Variants in KLHL32 observed in about 807,000 individuals in gnomAD.
KLHL32 encodes kelch-like protein 32.
Under a neutral mutation model 64.8 loss-of-function variants are expected in KLHL32, and 35 were observed. The observed-to-expected ratio is 0.54, with a 90% confidence interval of 0.41 to 0.72. KLHL32 has a LOEUF of 0.72. KLHL32 is among the 30% of genes least tolerant of loss of function. The pLI is 0.00. For synonymous variants in KLHL32, 259 were observed against 281.0 expected (o/e 0.92, Z 0.78); for missense variants, 589 against 768.5 (o/e 0.77, Z 2.76).
chr6:96,959,669 G>A (rs554918146), intron 1 of KLHL32, among the ~76,000 whole-genome samples: 1 of 152,084 alleles, frequency 6.6e-6, no homozygotes, highest in Non-Finnish European at 1.5e-5. Flanking sequence ...CATGAATTGT[G>A]GGGGGACACA....
the KLHL32 span, among the ~76,000 whole-genome samples, chr6:96,913,776 T>A: frequency 2.0e-5 from 3 of 152,308 alleles, no homozygotes; most frequent in South Asian, 6.2e-4. Context: ...TGCACCTTAA[T>A]AACTAGGGCT....
chr6:96,908,174 A>G, the KLHL32 span, among the ~76,000 whole-genome samples: 3 of 152,354 alleles, frequency 2.0e-5, no homozygotes, highest in South Asian at 4.1e-4. Flanking sequence ...TGAGACTCAG[A>G]AAATATACTC....
intron 1 of KLHL32, among the ~76,000 whole-genome samples, chr6:96,946,830 A>C (rs1270156155): frequency 6.6e-6 from 1 of 152,048 alleles, no homozygotes; most frequent in African/African-American, 2.4e-5. Flanking sequence ...CTGGTTACTT[A>C]GGGGGAAAAA....
rs1268664503 is a variant in KLHL32 at position 97,056,257 on chromosome 6, C to T, written c.313-8371C>T. Reference sequence around the variant, plus strand: ...AGTAGCTGGGACTACAGGCGCCCGCCACCACGCCCGGCTAATTTTTTGTAT... The same window carrying T: ...AGTAGCTGGGACTACAGGCGCCCGCTACCACGCCCGGCTAATTTTTTGTAT... On this transcript the variant is annotated intron_variant, in intron 4 of 10. Transcript: ENST00000369261. Among the ~76,000 whole-genome samples the T allele has an allele frequency of 2.6e-5, 4 of 151,934 alleles. No individual in the cohort carries two copies. The South Asian group carries it at 6.2e-4, about 24-fold the overall frequency.
the KLHL32 span, among the ~76,000 whole-genome samples, chr6:96,907,634 CT>C: frequency 1.6e-4 from 25 of 152,162 alleles, no homozygotes. Flanking sequence ...TTTCTTACCC[CT>C]AAGAGGCCAC....
At chr6:97,085,467 A>ATG in intron 6 of KLHL32, 126 bp downstream of exon 6, 1 of 775,196 alleles carries the variant, frequency 1.3e-6, no homozygotes, top group Non-Finnish European at 2.1e-6. Flanking sequence ...TTTAGAAGTC[A>ATG]TGCTTCCTTG....
intron 4 of KLHL32, 39 bp downstream of exon 4, chr6:97,041,638 A>G: frequency 8.7e-7 from 1 of 1,143,734 alleles, no homozygotes; most frequent in Non-Finnish European, 1.3e-6. Context: ...TTAACATTTC[A>G]ACTACATCTA....
In KLHL32 at chr6:97,004,946, T is replaced by TA. The variant is rs561784715; in HGVS notation, c.204+28769_204+28770insA. On this transcript the variant is annotated intron_variant, in intron 3 of 10. Coordinates refer to ENST00000369261, the MANE Select transcript of KLHL32 (RefSeq NM_052904.4). ...TGGCCTGAAGTTTTCTTTCTTTTTT[T>TA]TTTGTTATGGGTCTGCTAGGTTTTG... is the stretch of plus-strand genomic sequence containing the variant. Among the ~76,000 whole-genome samples the TA allele has an allele frequency of 1.2e-4, 19 of 152,214 alleles. No homozygotes were observed. The South Asian group carries it at 3.9e-3, about 32-fold the overall frequency.
Position 96,930,566 on chromosome 6 carries a change from T to C in KLHL32, c.-66+5540T>C, listed in dbSNP as rs80255600. Among the ~76,000 whole-genome samples, 3 of 152,098 alleles carry C rather than the reference T, an allele frequency of 2.0e-5. No homozygotes were observed. The East Asian group carries it at 5.8e-4, about 29-fold the overall frequency. ...TAATTCCTTCCCTCTGCCTCCCCTTTCCCCACTCCTTTGCCTTCCTCAAAA... is the reference window on the plus strand; with the variant it reads ...TAATTCCTTCCCTCTGCCTCCCCTTCCCCCACTCCTTTGCCTTCCTCAAAA... On this transcript the variant is annotated intron_variant, in intron 1 of 10. Coordinates refer to ENST00000369261, the MANE Select transcript of KLHL32 (RefSeq NM_052904.4).
chr6:96,963,874 G>A (rs907204841), intron 1 of KLHL32, among the ~76,000 whole-genome samples: 1 of 152,206 alleles, frequency 6.6e-6, no homozygotes, highest in African/African-American at 2.4e-5. Flanking sequence ...CCTGACTAGG[G>A]TTTGGTCTGG....
At chr6:96,901,503 G>T in the KLHL32 span, among the ~76,000 whole-genome samples, 1 of 152,088 alleles carries the variant, frequency 6.6e-6, no homozygotes, top group Non-Finnish European at 1.5e-5. Context: ...GGATAATCCA[G>T]GATAATCTCT....
rs138845344 is a variant in KLHL32, at chr6:96,951,493, C to T, written c.-65-15503C>T. ...GCCATGTGGGGCATGTTGGACAGTG[C>T]GCCACCCCACACCCTGTACCTTAAC... On this transcript the variant is annotated intron_variant, in intron 1 of 10. Transcript: ENST00000369261. Among the ~76,000 whole-genome samples the T allele has an allele frequency of 1.6e-4, 24 of 152,110 alleles. No homozygotes were observed. In the East Asian group the frequency reaches 4.6e-3, roughly 29 times the overall value.
chr6:96,933,281 G>C (rs1770164882), intron 1 of KLHL32, among the ~76,000 whole-genome samples: 1 of 152,122 alleles, frequency 6.6e-6, no homozygotes, highest in Non-Finnish European at 1.5e-5. Flanking sequence ...TGTATTCTTG[G>C]AATTCTGCTT....
Position 97,055,796 on chromosome 6 carries a change from T to TAAAAAAAAAAAA in KLHL32, c.313-8817_313-8806dup, listed in dbSNP as rs750242567. 4.4e-3 allele frequency among the ~76,000 whole-genome samples: 358 copies of TAAAAAAAAAAAA among 80,980 alleles called. 57 individuals are homozygous for TAAAAAAAAAAAA. The highest frequency in any genetic ancestry group is 7.6e-3 in the Middle Eastern group (1 of 132). 53.1% of individuals were successfully genotyped at this position (80,980 alleles called of 152,430 possible). A position where few individuals can be genotyped will look rare whatever the true frequency, so the allele number is the denominator to read the frequency against. Reference sequence around the variant, plus strand: ...CGAGGTAACAGACTGAGAACCTGTCTAAAAAAAAAAAAAAAAAAAAAAAAA... The same window carrying TAAAAAAAAAAAA: ...CGAGGTAACAGACTGAGAACCTGTCTAAAAAAAAAAAAAAAAAAAAAAAAAAAAAAAAAAAAA... On this transcript the variant is annotated intron_variant, in intron 4 of 10. Transcript: ENST00000369261.
intron 1 of KLHL32, among the ~76,000 whole-genome samples, chr6:96,927,412 A>G (rs184118536): frequency 3.9e-4 from 60 of 152,388 alleles, no homozygotes; most frequent in African/African-American, 1.3e-3. Context: ...ACTCAGAGAC[A>G]TTAAATCCCA....
At chr6:96,955,605 T>C (rs970604416) in intron 1 of KLHL32, among the ~76,000 whole-genome samples, 1 of 152,172 alleles carries the variant, frequency 6.6e-6, no homozygotes, top group Admixed American at 6.5e-5. Flanking sequence ...CTTTTAACTT[T>C]TGGTAAGTGT....
At chr6:97,103,003 C>G (rs1795930049) in intron 6 of KLHL32, among the ~76,000 whole-genome samples, 1 of 151,486 alleles carries the variant, frequency 6.6e-6, no homozygotes, top group Admixed American at 6.6e-5. Context: ...CCTCCACCAT[C>G]ATGAAGGTAT....
chr6:97,126,053 G>A (rs1798839753), intron 7 of KLHL32, among the ~76,000 whole-genome samples: 2 of 152,164 alleles, frequency 1.3e-5, no homozygotes, highest in African/African-American at 4.8e-5. Context: ...TAAGCTGGGG[G>A]AATGTTAAGG....
At chr6:96,929,334 G>A (rs1394077271) in intron 1 of KLHL32, among the ~76,000 whole-genome samples, 1 of 152,162 alleles carries the variant, frequency 6.6e-6, no homozygotes, top group Non-Finnish European at 1.5e-5. Flanking sequence ...ATGAAAAAAT[G>A]ATACTGTAAG....
Sources: allele counts gnomAD v4.1 joint callset (sites outside exome capture counted in the v4.1 genomes callset), GRCh38; gene constraint gnomAD v4.1.1; transcripts MANE v1.5; gene names NCBI Gene and HGNC (gene_info 2026-07-23, HGNC 2026-07-21).